The following CSMD1 variants were observed in gnomAD, a reference collection of about 807,000 sequenced individuals.
The protein encoded by CSMD1 is CUB and sushi domain-containing protein 1.
A neutral mutation model predicts 417.5 loss-of-function variants in CSMD1; 213 were observed. That is an observed-to-expected ratio of 0.51 (90% confidence interval 0.46 to 0.57). The LOEUF (loss-of-function observed/expected upper bound fraction) is 0.57, where lower values mean the gene tolerates loss of function less well. CSMD1 is among the 20% of genes least tolerant of loss of function. The probability of loss-of-function intolerance (pLI) is 0.00; values close to 1 mark genes in which losing one functional copy is unlikely to be tolerated. For missense variants in CSMD1, 6,923 were observed against 4,529.7 expected, an observed-to-expected ratio of 1.53 and a Z score of -15.17; for synonymous variants, 2,862 against 1,736.8, an observed-to-expected ratio of 1.65 and a Z score of -16.11.
chr8:3,379,890 T>C (rs1010651286), intron 18 of CSMD1, among the ~76,000 whole-genome samples: 5 of 152,000 alleles, frequency 3.3e-5, no homozygotes, highest in African/African-American at 9.7e-5. Flanking sequence ...GAATCCAAAA[T>C]AGACAAATGG....
intron 30 of CSMD1, among the ~76,000 whole-genome samples, chr8:3,213,361 C>T (rs144869122): frequency 1.3e-5 from 2 of 152,032 alleles, no homozygotes; most frequent in African/African-American, 4.8e-5. Flanking sequence ...GTCAAGGGTC[C>T]ACAGCCTGAG....
chr8:3,775,735 T>C (rs1798856712), intron 5 of CSMD1, among the ~76,000 whole-genome samples: 3 of 152,220 alleles, frequency 2.0e-5, no homozygotes, highest in Non-Finnish European at 2.9e-5. Context: ...GTTCAAATGA[T>C]ATGAACTATA....
chr8:4,091,528 G>A (rs956924026), intron 3 of CSMD1, among the ~76,000 whole-genome samples: 2 of 152,136 alleles, frequency 1.3e-5, no homozygotes, highest in African/African-American at 4.8e-5. Context: ...TTATGTTAAA[G>A]CTGGCACTCA....
At chr8:4,912,368 T>G (rs1022397600) in intron 1 of CSMD1, among the ~76,000 whole-genome samples, 4 of 151,914 alleles carry the variant, frequency 2.6e-5, no homozygotes, top group African/African-American at 9.7e-5. Context: ...GCTTTTTTTT[T>G]TTTTTTTCTT....
chr8:3,406,125 C>T lies in CSMD1; in HGVS notation c.2168G>A (p.Cys723Tyr). The T allele has an allele frequency of 6.2e-7, 1 of 1,613,916 alleles. No homozygotes were observed. Among genetic ancestry groups the T allele is most frequent in the Non-Finnish European group, 8.5e-7 (1 of 1,179,888 alleles). ...CTGGGTCTTGACAAAGCCATCATCACAGTGGAAAGAAACCGAGCTCCCGAG... is the reference window on the plus strand; with the variant it reads ...CTGGGTCTTGACAAAGCCATCATCATAGTGGAAAGAAACCGAGCTCCCGAG... ...FLLGSSVSFH[C>Y]DDGFVKTQGS... Residue 723 changes from cysteine to tyrosine, a missense_variant, in exon 15 of 70, where the codon TGT becomes TAT. Cys to Tyr is a radical substitution (Grantham distance 194). Transcript: ENST00000635120.
chr8:4,934,297 T>C (rs1807453019), intron 1 of CSMD1, among the ~76,000 whole-genome samples: 2 of 152,196 alleles, frequency 1.3e-5, no homozygotes, highest in African/African-American at 4.8e-5. Context: ...CAACATACAG[T>C]TGTCCATATC....
chr8:4,569,332 G>A (rs1250507245), intron 2 of CSMD1, among the ~76,000 whole-genome samples: 4 of 152,122 alleles, frequency 2.6e-5, no homozygotes, highest in East Asian at 3.9e-4. Flanking sequence ...AAGGTGTAAC[G>A]AAGTGATCCA....
chr8:3,754,024 G>C lies in CSMD1; in HGVS notation c.837C>G (p.Leu279=), dbSNP rs1471718950. Residue 279 remains leucine (L), a synonymous_variant, in exon 6 of 70, where the codon CTC becomes CTG. Transcript: ENST00000635120. ...TCTTGCTACTGATAACTGGAGAGGG[G>C]AGGTTCATGCCAGTTAGCCTAGAGA... ...APSIWLTGMN[L]PSPVISSKNW... is the part of the protein sequence containing the mutation. The C allele has an allele frequency of 1.9e-6, 3 of 1,612,544 alleles. No individual in the cohort carries two copies. The highest frequency in any genetic ancestry group is 1.7e-5 in the Admixed American group (1 of 59,982).
At chr8:3,366,359 A>C (rs186741126) in intron 20 of CSMD1, among the ~76,000 whole-genome samples, 142 of 149,720 alleles carry the variant, frequency 9.5e-4, no homozygotes, top group African/African-American at 3.3e-3. Flanking sequence ...CCAGTTTTTA[A>C]GTGGCGGCAA....
chr8:3,952,394 C>A (rs1326902355), intron 5 of CSMD1, among the ~76,000 whole-genome samples: 3 of 152,158 alleles, frequency 2.0e-5, no homozygotes, highest in Non-Finnish European at 4.4e-5. Context: ...TACTTAGTTT[C>A]TTCATTAAAA....
intron 36 of CSMD1, among the ~76,000 whole-genome samples, chr8:3,182,127 G>T (rs1219645754): frequency 1.3e-5 from 2 of 152,164 alleles, no homozygotes; most frequent in Non-Finnish European, 2.9e-5. Flanking sequence ...AGGGAGAAAT[G>T]ATAATTTAAA....
intron 5 of CSMD1, among the ~76,000 whole-genome samples, chr8:3,985,612 G>C (rs1336049105): frequency 6.6e-6 from 1 of 152,118 alleles, no homozygotes; most frequent in African/African-American, 2.4e-5. Context: ...TTCTAGTACA[G>C]GAAGATCCTT....
chr8:4,079,115 G>C (rs149272174), intron 3 of CSMD1, among the ~76,000 whole-genome samples: 16 of 151,782 alleles, frequency 1.1e-4, no homozygotes, highest in East Asian at 9.7e-4. Context: ...TGGTGTTTGA[G>C]ACAATTTTTA....
intron 2 of CSMD1, among the ~76,000 whole-genome samples, chr8:4,423,182 T>G (rs1048995836): frequency 6.6e-6 from 1 of 152,104 alleles, no homozygotes; most frequent in Non-Finnish European, 1.5e-5. Flanking sequence ...AACATTCTTA[T>G]TCAATATCGT....
intron 10 of CSMD1, among the ~76,000 whole-genome samples, chr8:3,514,200 C>G (rs1797193632): frequency 6.6e-6 from 1 of 152,112 alleles, no homozygotes; most frequent in South Asian, 2.1e-4. Context: ...AAGACATGCT[C>G]TTGTGTAAAG....
chr8:4,008,292 A>T (rs77547210), intron 4 of CSMD1, among the ~76,000 whole-genome samples: 14,425 of 152,186 alleles, frequency 0.095, 718 homozygotes, highest in Middle Eastern at 0.14. Flanking sequence ...ATTAAAACAA[A>T]TATAGTTATT....
chr8:4,143,236 T>C (rs534793061), intron 3 of CSMD1, among the ~76,000 whole-genome samples: 2 of 151,322 alleles, frequency 1.3e-5, no homozygotes, highest in South Asian at 2.1e-4. Context: ...AACCCTCTTA[T>C]AGGGTTAGCA....
intron 42 of CSMD1, among the ~76,000 whole-genome samples, chr8:3,116,086 T>C (rs187776243): frequency 6.6e-6 from 1 of 152,324 alleles, no homozygotes; most frequent in Non-Finnish European, 1.5e-5. Context: ...TCCGCATTCT[T>C]ATGAAGCAAC....
chr8:3,889,647 G>C (rs2449815), intron 5 of CSMD1, among the ~76,000 whole-genome samples: 4,980 of 151,024 alleles, frequency 0.033, 286 homozygotes, highest in African/African-American at 0.12. Context: ...TCAAGATACT[G>C]GAAGTTGGTC....
Sources: gnomAD v4.1 joint callset for allele counts (sites outside exome capture counted in the v4.1 genomes callset) on GRCh38, gnomAD v4.1.1 for gene constraint, MANE v1.5 for transcripts, NCBI Gene and HGNC (gene_info 2026-07-23, HGNC 2026-07-21) for gene names.